The following CNTNAP5 variants were observed in gnomAD, a reference collection of about 807,000 sequenced individuals.
CNTNAP5 encodes contactin associated protein family member 5, also known as contactin-associated protein-like 5.
A neutral mutation model predicts 150.2 loss-of-function variants in CNTNAP5; 72 were observed. That is an observed-to-expected ratio of 0.48 (90% confidence interval 0.40 to 0.58). The LOEUF (loss-of-function observed/expected upper bound fraction) is 0.58, where lower values mean the gene tolerates loss of function less well. Ranked by LOEUF, CNTNAP5 falls within the 20% of genes least tolerant of loss-of-function variation. The probability of loss-of-function intolerance (pLI) is 0.00; values close to 1 mark genes in which losing one functional copy is unlikely to be tolerated. For missense variants in CNTNAP5, 1,636 were observed against 1,626.2 expected (o/e 1.01, Z -0.10); for synonymous variants, 672 against 619.8 (o/e 1.08, Z -1.25).
chr2:124,307,265 G>C (rs1406373307), intron 3 of CNTNAP5, among the ~76,000 whole-genome samples: 1 of 152,110 alleles, frequency 6.6e-6, no homozygotes, highest in Non-Finnish European at 1.5e-5. Context: ...GAGAGAGAGA[G>C]ATCTTGTGTC....
chr2:124,251,457 G>A (rs1307580274), intron 3 of CNTNAP5, among the ~76,000 whole-genome samples: 2 of 118,692 alleles, frequency 1.7e-5, no homozygotes, highest in Admixed American at 1.0e-4. Flanking sequence ...CAACTTGAAC[G>A]CTGTGGGTGC....
intron 12 of CNTNAP5, among the ~76,000 whole-genome samples, chr2:124,639,976 A>G (rs958626676): frequency 3.3e-5 from 5 of 152,090 alleles, no homozygotes; most frequent in Admixed American, 6.5e-5. Context: ...ACAGGAATGC[A>G]ACACAAGGCA....
At chr2:124,244,168 C>T (rs915738129) in intron 3 of CNTNAP5, among the ~76,000 whole-genome samples, 5 of 151,988 alleles carry the variant, frequency 3.3e-5, no homozygotes, top group South Asian at 2.1e-4. Context: ...GGATGTATTT[C>T]GAGGGATGAC....
In CNTNAP5 at chr2:124,496,981, T is replaced by A. The variant is rs76828540; in HGVS notation, c.1063-7311T>A. ...AAAGAGTAGTCCCTTATTCTTGTTT[T>A]ATTCTTCCCAGGTGACTCAAGGTCA... On this transcript the variant is annotated intron_variant, in intron 7 of 23. Coordinates refer to ENST00000682447, the MANE Select transcript of CNTNAP5 (RefSeq NM_001367498.1). Among the ~76,000 whole-genome samples, 222 of 152,346 alleles carry A rather than the reference T, an allele frequency of 1.5e-3. 4 individuals carry two copies. The East Asian group carries it at 0.031, about 22-fold the overall frequency.
At chr2:124,622,970 T>G (rs1354420291) in intron 12 of CNTNAP5, among the ~76,000 whole-genome samples, 2 of 152,164 alleles carry the variant, frequency 1.3e-5, no homozygotes, top group Non-Finnish European at 2.9e-5. Flanking sequence ...AATTTTTATT[T>G]TATAAGTGCA....
At chr2:124,184,623 G>C (rs1370323101) in intron 1 of CNTNAP5, among the ~76,000 whole-genome samples, 1 of 152,146 alleles carries the variant, frequency 6.6e-6, no homozygotes, top group Non-Finnish European at 1.5e-5. Flanking sequence ...CGATTCAAGG[G>C]ACAACCTATT....
intron 13 of CNTNAP5, among the ~76,000 whole-genome samples, chr2:124,746,186 C>T (rs1174749712): frequency 1.3e-5 from 2 of 152,050 alleles, no homozygotes; most frequent in Non-Finnish European, 1.5e-5. Context: ...AGACAATTAC[C>T]AAAGGGAGCC....
chr2:124,256,197 C>A (rs948149440), intron 3 of CNTNAP5, among the ~76,000 whole-genome samples: 1 of 152,008 alleles, frequency 6.6e-6, no homozygotes. Flanking sequence ...AACCTTCGTT[C>A]GGATAATATA....
intron 10 of CNTNAP5, among the ~76,000 whole-genome samples, chr2:124,561,694 G>T (rs569089882): frequency 1.8e-4 from 28 of 152,180 alleles, no homozygotes; most frequent in Non-Finnish European, 3.4e-4. Flanking sequence ...TTGTATATTT[G>T]CTGTGCTGAG....
chr2:124,160,636 A>T (rs1224029739), intron 1 of CNTNAP5, among the ~76,000 whole-genome samples: 1 of 152,104 alleles, frequency 6.6e-6, no homozygotes, highest in Non-Finnish European at 1.5e-5. Context: ...AACTTACAAC[A>T]GAGTTAATGT....
At chr2:124,158,365 G>A (rs1397239805) in intron 1 of CNTNAP5, among the ~76,000 whole-genome samples, 3 of 152,060 alleles carry the variant, frequency 2.0e-5, no homozygotes, top group African/African-American at 7.2e-5. Context: ...TATATAAAAT[G>A]GCATAGTATT....
rs1442502439 is a variant in CNTNAP5, at chr2:124,764,435, C to T, written c.2533+288C>T. Among the ~76,000 whole-genome samples, 3 of 152,202 alleles carry T rather than the reference C, an allele frequency of 2.0e-5. No individual in the cohort carries two copies. The East Asian group carries it at 5.8e-4, about 29-fold the overall frequency. On this transcript the variant is annotated intron_variant, in intron 16 of 23. Coordinates refer to ENST00000682447, the MANE Select transcript of CNTNAP5 (RefSeq NM_001367498.1). ...TCTTACCTGTGACTTTAATCTTCCA[C>T]ACTACAGGACTTTATTCATGACACT...
At chr2:124,364,573 T>A (rs1482813043) in intron 3 of CNTNAP5, among the ~76,000 whole-genome samples, 2 of 152,128 alleles carry the variant, frequency 1.3e-5, no homozygotes, top group African/African-American at 4.8e-5. Flanking sequence ...TTTCCAAGTG[T>A]CTCAAAGAAT....
At chr2:124,445,172 C>T (rs1005671964) in intron 5 of CNTNAP5, among the ~76,000 whole-genome samples, 1 of 151,582 alleles carries the variant, frequency 6.6e-6, no homozygotes, top group Non-Finnish European at 1.5e-5. Flanking sequence ...TCACTGCAAC[C>T]TCCGCCTCCC....
chr2:124,776,189 C>T (rs545411640), intron 17 of CNTNAP5, among the ~76,000 whole-genome samples: 2 of 152,092 alleles, frequency 1.3e-5, no homozygotes, highest in Non-Finnish European at 2.9e-5. Context: ...TCAAAATATG[C>T]GGCAATTATA....
intron 19 of CNTNAP5, among the ~76,000 whole-genome samples, chr2:124,800,103 C>T (rs142510306): frequency 9.2e-5 from 14 of 152,272 alleles, no homozygotes; most frequent in Non-Finnish European, 1.6e-4. Context: ...GGCGTGCCAA[C>T]GAGGTAATCT....
intron 3 of CNTNAP5, among the ~76,000 whole-genome samples, chr2:124,292,617 A>G (rs1237352529): frequency 6.6e-6 from 1 of 152,112 alleles, no homozygotes; most frequent in Non-Finnish European, 1.5e-5. Flanking sequence ...GAAGAGAAGC[A>G]TAGAGGCTTA....
intron 3 of CNTNAP5, among the ~76,000 whole-genome samples, chr2:124,379,534 C>T (rs1488462869): frequency 6.6e-6 from 1 of 152,020 alleles, no homozygotes; most frequent in Non-Finnish European, 1.5e-5. Flanking sequence ...CTGGACATAC[C>T]ACAGTTTATC....
At chr2:124,729,774 A>G (rs1680232259) in intron 13 of CNTNAP5, among the ~76,000 whole-genome samples, 1 of 152,148 alleles carries the variant, frequency 6.6e-6, no homozygotes, top group Non-Finnish European at 1.5e-5. Flanking sequence ...TATTTTCTCT[A>G]TAACCAGAAA....
Sources: gnomAD v4.1 joint callset for allele counts (sites outside exome capture counted in the v4.1 genomes callset) on GRCh38, gnomAD v4.1.1 for gene constraint, MANE v1.5 for transcripts, NCBI Gene and HGNC (gene_info 2026-07-23, HGNC 2026-07-21) for gene names.